SPAG17: variants seen among roughly 807,000 people sequenced by gnomAD.
The protein encoded by SPAG17 is sperm associated antigen 17.
A neutral mutation model predicts 273.6 loss-of-function variants in SPAG17; 169 were observed. The observed-to-expected ratio is 0.62, with a 90% CI of 0.55 to 0.70. The LOEUF (loss-of-function observed/expected upper bound fraction) is 0.70. Among genes scored for constraint, SPAG17 ranks in the 30% least tolerant of loss-of-function variants. The pLI, the probability that SPAG17 is intolerant of heterozygous loss-of-function variation, is 0.00. For synonymous variants in SPAG17, 825 were observed against 873.2 expected (o/e 0.94, Z 0.97); for missense variants, 2,557 against 2,627.8 (o/e 0.97, Z 0.59).
At chr1:118,090,991 G>T (rs1282543310) in intron 10 of SPAG17, among the ~76,000 whole-genome samples, 1 of 151,968 alleles carries the variant, frequency 6.6e-6, no homozygotes, top group East Asian at 1.9e-4. Flanking sequence ...ACCAAATCCT[G>T]GTTCTTTGAA....
chr1:118,151,037 C>T (rs1659349422), intron 2 of SPAG17, among the ~76,000 whole-genome samples, 192 bp downstream of exon 2: 1 of 152,068 alleles, frequency 6.6e-6, no homozygotes, highest in African/African-American at 2.4e-5. Flanking sequence ...ATTGAATTAA[C>T]AAAATTAATA....
chr1:118,016,592 T>C (rs550126872), intron 28 of SPAG17, among the ~76,000 whole-genome samples: 10 of 152,340 alleles, frequency 6.6e-5, no homozygotes, highest in South Asian at 2.1e-4. Flanking sequence ...TTTTGACATA[T>C]TGGACTATAA....
intron 3 of SPAG17, among the ~76,000 whole-genome samples, chr1:118,128,251 G>A (rs976986036): frequency 6.6e-6 from 1 of 151,834 alleles, no homozygotes; most frequent in Admixed American, 6.6e-5. Flanking sequence ...TTTGTATGTT[G>A]ATTTTATATC....
chr1:118,059,343 G>A (rs751051730), intron 18 of SPAG17, among the ~76,000 whole-genome samples: 9 of 151,914 alleles, frequency 5.9e-5, no homozygotes, highest in Non-Finnish European at 1.2e-4. Flanking sequence ...CTTTAAGACA[G>A]TAATCCATTT....
intron 1 of SPAG17, among the ~76,000 whole-genome samples, chr1:118,166,419 C>T (rs772256405): frequency 2.7e-4 from 41 of 152,176 alleles, no homozygotes; most frequent in Non-Finnish European, 5.1e-4. Context: ...TTGGGCACTT[C>T]TCTGGACAGA....
rs377422107 is a variant in SPAG17 at position 118,036,810 on chromosome 1, G to T, written c.3393C>A (p.Cys1131Ter). 63 of 1,559,392 alleles carry T rather than the reference G, an allele frequency of 4.0e-5. No homozygotes were observed. Among genetic ancestry groups the T allele is most frequent in the Non-Finnish European group, 5.3e-5 (61 of 1,150,254 alleles). ...SFSATLENGI[C>*]LSISYYGSNG... is the part of the protein sequence containing the mutation. ...TTGATCCATAGTAACTTATCGAGAG[G>T]CAGATTCCATTTTCTAAGGTGGCAG... The change falls in exon 24 of 49, where the codon TGC becomes TGA. Residue 1131 changes from cysteine to a stop codon, truncating the protein, a stop_gained. Transcript: ENST00000336338. LOFTEE classifies it high-confidence loss of function.
At chr1:118,070,311 AG>A (rs746354808) in intron 17 of SPAG17, among the ~76,000 whole-genome samples, 3 of 152,254 alleles carry the variant, frequency 2.0e-5, no homozygotes, top group Non-Finnish European at 2.9e-5. Context: ...AGAAAGTCTC[AG>A]GATATGGAAA....
chr1:118,039,027 G>A lies in SPAG17; in HGVS notation c.3319+265C>T, dbSNP rs535133712. Among the ~76,000 whole-genome samples the A allele has an allele frequency of 5.7e-4, 87 of 152,240 alleles. 1 individual carries two copies. The South Asian group carries it at 0.018, about 31-fold the overall frequency. ...GACATGTGTACGGGAAGAGGGCATT[G>A]AGAAATCTCTGTAACTTCTGTTCAA... On this transcript the variant is annotated intron_variant, in intron 23 of 48. Transcript: ENST00000336338.
At chr1:118,175,004 C>T (rs1660620346) in intron 1 of SPAG17, among the ~76,000 whole-genome samples, 1 of 140,480 alleles carries the variant, frequency 7.1e-6, no homozygotes, top group African/African-American at 2.7e-5. Flanking sequence ...ATTGGAAGGT[C>T]TGGGTGGAAG....
At chr1:118,055,616 G>T in intron 19 of SPAG17, 117 bp downstream of exon 19, 4 of 823,160 alleles carry the variant, frequency 4.9e-6, no homozygotes, top group Non-Finnish European at 7.6e-6. Context: ...AAGAGTCACA[G>T]GAACTTTTTT....
At chr1:117,966,468 A>T in intron 47 of SPAG17, 141 bp downstream of exon 47, 1 of 819,428 alleles carries the variant, frequency 1.2e-6, no homozygotes, top group Non-Finnish European at 1.8e-6. Flanking sequence ...ATGAATGAAG[A>T]TGCTCTTTGT....
At chr1:118,141,415 C>T (rs556649676) in intron 3 of SPAG17, among the ~76,000 whole-genome samples, 53 of 152,258 alleles carry the variant, frequency 3.5e-4, no homozygotes, top group African/African-American at 1.3e-3. Flanking sequence ...TAGCTCTGTC[C>T]GAAGCACAGT....
chr1:118,139,716 T>G (rs1658561250), intron 3 of SPAG17, among the ~76,000 whole-genome samples: 1 of 151,428 alleles, frequency 6.6e-6, no homozygotes, highest in Admixed American at 6.6e-5. Flanking sequence ...AGACAAATAT[T>G]GCATGCACTC....
chr1:117,986,250 G>A (rs528410968), intron 40 of SPAG17, among the ~76,000 whole-genome samples: 13 of 152,212 alleles, frequency 8.5e-5, no homozygotes, highest in African/African-American at 1.9e-4. Flanking sequence ...ATCGATCTAC[G>A]GCAGTCTGGC....
chr1:117,970,726 C>G (rs920505215), intron 45 of SPAG17, among the ~76,000 whole-genome samples: 1 of 152,128 alleles, frequency 6.6e-6, no homozygotes, highest in Non-Finnish European at 1.5e-5. Flanking sequence ...CACTCTGACC[C>G]CAACACTGCT....
intron 47 of SPAG17, 187 bp downstream of exon 47, chr1:117,966,422 A>T (rs963657870): frequency 8.1e-6 from 4 of 493,408 alleles, no homozygotes. Flanking sequence ...ACTATGTGTC[A>T]GGTATTTTTT....
At chr1:117,972,717 T>C (rs962725947) in intron 44 of SPAG17, among the ~76,000 whole-genome samples, 2 of 152,098 alleles carry the variant, frequency 1.3e-5, no homozygotes, top group African/African-American at 2.4e-5. Context: ...TTGTCAGTTA[T>C]ATATATATGT....
rs769441705 is a variant in SPAG17, at chr1:117,992,579, C to T, written c.5248G>A (p.Val1750Met). 1 of 1,613,730 alleles carries T rather than the reference C, an allele frequency of 6.2e-7. No individual in the cohort carries two copies. The highest frequency in any genetic ancestry group is 1.7e-5 in the Admixed American group (1 of 59,930). ...TTGAGTATGGCACCCGGGGCACTCA[C>T]TAGCTGTTTGGACTCAATGCAAAGG... ...KGLCIESKQL[V>M]SAPGAILKSP... The change falls in exon 36 of 49, where the codon GTG becomes ATG. Residue 1750 changes from valine (V) to methionine (M), a missense_variant. Val to Met is a conservative substitution (Grantham distance 21, BLOSUM62 1). Coordinates refer to ENST00000336338, the MANE Select transcript of SPAG17 (RefSeq NM_206996.4).
At chr1:118,082,948 C>T (rs150623547) in intron 13 of SPAG17, among the ~76,000 whole-genome samples, 7 of 150,574 alleles carry the variant, frequency 4.6e-5, no homozygotes, top group African/African-American at 1.7e-4. Flanking sequence ...TGGAACATGA[C>T]AGCTTGATAG....
Sources: gnomAD v4.1 joint callset for allele counts (sites outside exome capture counted in the v4.1 genomes callset) on GRCh38, gnomAD v4.1.1 for gene constraint, MANE v1.5 for transcripts, NCBI Gene and HGNC (gene_info 2026-07-23, HGNC 2026-07-21) for gene names.